Variants in CREB5 observed in about 807,000 individuals in gnomAD.
CREB5 encodes the protein cyclic AMP-responsive element-binding protein 5.
A neutral mutation model predicts 57.1 loss-of-function variants in CREB5; 19 were observed. The observed-to-expected ratio is 0.33, with a 90% CI of 0.23 to 0.49. The LOEUF (loss-of-function observed/expected upper bound fraction) is 0.49, where lower values mean the gene tolerates loss of function less well. Ranked by LOEUF, CREB5 falls within the 20% of genes least tolerant of loss-of-function variation. CREB5 has a pLI of 0.99. For missense variants in CREB5, 579 were observed against 671.6 expected (o/e 0.86, Z 1.52); for synonymous variants, 238 against 238.3 (o/e 1.00, Z 0.01).
At chr7:28,639,612 T>G (rs1798567324) in intron 5 of CREB5, among the ~76,000 whole-genome samples, 1 of 152,140 alleles carries the variant, frequency 6.6e-6, no homozygotes, top group Non-Finnish European at 1.5e-5. Context: ...ACTTGAGTAG[T>G]GCAGGCCGGG....
chr7:28,424,870 G>T (rs1788435127), intron 1 of CREB5, among the ~76,000 whole-genome samples: 1 of 152,172 alleles, frequency 6.6e-6, no homozygotes, highest in Admixed American at 6.5e-5. Context: ...GATAATTTAT[G>T]TCTATGTGCT....
At chr7:28,503,845 G>A (rs1466110791) in intron 3 of CREB5, among the ~76,000 whole-genome samples, 2 of 152,104 alleles carry the variant, frequency 1.3e-5, no homozygotes, top group Non-Finnish European at 2.9e-5. Flanking sequence ...AAGCTCCGGG[G>A]CCAGGGGAGC....
intron 4 of CREB5, among the ~76,000 whole-genome samples, chr7:28,513,229 A>C (rs1304449461): frequency 6.6e-6 from 1 of 152,196 alleles, no homozygotes; most frequent in Non-Finnish European, 1.5e-5. Flanking sequence ...CTGGATGGAA[A>C]ATAAAAGATG....
chr7:28,800,224 T>C (rs560291903), intron 7 of CREB5, among the ~76,000 whole-genome samples: 68 of 151,550 alleles, frequency 4.5e-4, no homozygotes, highest in African/African-American at 1.6e-3. Flanking sequence ...CAGGGAGAAG[T>C]TTACTAAGGA....
At chr7:28,525,438 C>G (rs1257156759) in intron 4 of CREB5, among the ~76,000 whole-genome samples, 1 of 152,024 alleles carries the variant, frequency 6.6e-6, no homozygotes, top group Non-Finnish European at 1.5e-5. Context: ...GCTTACATTC[C>G]CACCAACAGT....
intron 8 of CREB5, among the ~76,000 whole-genome samples, chr7:28,806,426 T>G (rs1339917051): frequency 6.6e-6 from 1 of 152,200 alleles, no homozygotes; most frequent in Non-Finnish European, 1.5e-5. Context: ...TGTATGATTA[T>G]CTGAAAGTAG....
Position 28,501,153 on chromosome 7 carries a change from C to G in CREB5, c.169+6154C>G, listed in dbSNP as rs1204439544. Among the ~76,000 whole-genome samples, 6 of 152,132 alleles carry G rather than the reference C, an allele frequency of 3.9e-5. No homozygotes were observed. The East Asian group carries it at 1.2e-3, about 29-fold the overall frequency. ...ATGTCTGTAATTTTCCTACCATACA[C>G]CTAGATGTGTGAGCTGTACATACTA... is the stretch of plus-strand genomic sequence containing the variant. On this transcript the variant is annotated intron_variant, in intron 3 of 10. Transcript: ENST00000357727.
At chr7:28,664,524 C>CTT in intron 5 of CREB5, among the ~76,000 whole-genome samples, 1 of 152,084 alleles carries the variant, frequency 6.6e-6, no homozygotes, top group African/African-American at 2.4e-5. Flanking sequence ...ATTCTTCTGA[C>CTT]TTCTCTTGTG....
At chr7:28,700,763 T>C (rs934155878) in intron 5 of CREB5, among the ~76,000 whole-genome samples, 3 of 152,012 alleles carry the variant, frequency 2.0e-5, no homozygotes, top group Non-Finnish European at 4.4e-5. Flanking sequence ...CTATTTCCTT[T>C]CGATAAAAAT....
At chr7:28,763,103 G>A (rs1027796807) in intron 7 of CREB5, among the ~76,000 whole-genome samples, 9 of 152,066 alleles carry the variant, frequency 5.9e-5, no homozygotes, top group African/African-American at 1.9e-4. Context: ...TTGGTTCCAG[G>A]GCATCTTGAG....
intron 5 of CREB5, among the ~76,000 whole-genome samples, chr7:28,693,291 AG>A (rs1259859335): frequency 1.3e-5 from 2 of 152,256 alleles, no homozygotes; most frequent in African/African-American, 4.8e-5. Context: ...ACGGGAAAAT[AG>A]GGTCAGGAGA....
At chr7:28,672,181 A>AC (rs1221625667) in intron 5 of CREB5, among the ~76,000 whole-genome samples, 2,092 of 53,124 alleles carry the variant, frequency 0.039, 24 homozygotes, top group Middle Eastern at 0.11. Flanking sequence ...TATGGAAAAA[A>AC]AAAAAAAACA....
At chr7:28,701,536 T>C (rs1275820047) in intron 5 of CREB5, among the ~76,000 whole-genome samples, 1 of 152,208 alleles carries the variant, frequency 6.6e-6, no homozygotes, top group Non-Finnish European at 1.5e-5. Flanking sequence ...AAAAGGTTGA[T>C]TCCAATTTAA....
At chr7:28,814,955 T>C (rs1349913050) in intron 9 of CREB5, among the ~76,000 whole-genome samples, 2 of 152,170 alleles carry the variant, frequency 1.3e-5, no homozygotes, top group Non-Finnish European at 2.9e-5. Context: ...CATGGCTAAA[T>C]AAGTATTAAC....
intron 5 of CREB5, among the ~76,000 whole-genome samples, chr7:28,676,690 G>A (rs1237852563): frequency 4.6e-5 from 7 of 152,200 alleles, no homozygotes; most frequent in East Asian, 1.9e-4. Context: ...CACTGTTGAT[G>A]TGTAACTAAA....
At chr7:28,573,265 T>C (rs1220072422) in intron 5 of CREB5, among the ~76,000 whole-genome samples, 1 of 152,064 alleles carries the variant, frequency 6.6e-6, no homozygotes, top group Non-Finnish European at 1.5e-5. Flanking sequence ...ATAGCTTTTT[T>C]TTTACTTTAT....
intron 1 of CREB5, among the ~76,000 whole-genome samples, chr7:28,383,755 A>G (rs977096305): frequency 1.3e-5 from 2 of 152,160 alleles, no homozygotes; most frequent in Non-Finnish European, 2.9e-5. Context: ...GGGGGATTAC[A>G]ACTGGACATG....
chr7:28,492,251 C>G (rs1036348040), intron 2 of CREB5, among the ~76,000 whole-genome samples: 1 of 152,224 alleles, frequency 6.6e-6, no homozygotes, highest in Non-Finnish European at 1.5e-5. Flanking sequence ...CCATCCGCCT[C>G]GGCTTCCCAA....
intron 5 of CREB5, among the ~76,000 whole-genome samples, chr7:28,598,564 C>G (rs929134847): frequency 3.9e-5 from 6 of 152,182 alleles, no homozygotes; most frequent in African/African-American, 1.2e-4. Context: ...TGCATTGGGT[C>G]ATTCCTTGTG....
Sources: gnomAD v4.1 joint callset for allele counts (sites outside exome capture counted in the v4.1 genomes callset) on GRCh38, gnomAD v4.1.1 for gene constraint, MANE v1.5 for transcripts, NCBI Gene and HGNC (gene_info 2026-07-23, HGNC 2026-07-21) for gene names.